Variants in ATL1 observed in about 807,000 individuals in gnomAD.
The protein encoded by ATL1 is atlastin GTPase 1, also known as atlastin-1.
ATL1 carries 31 observed loss-of-function variants against 75.5 expected under a neutral mutation model. The ratio of observed to expected loss-of-function variants is 0.41; its 90% CI spans 0.31 to 0.55. The LOEUF is 0.55. Among genes scored for constraint, ATL1 ranks in the 20% least tolerant of loss-of-function variants. The probability of loss-of-function intolerance (pLI) is 0.27; values close to 1 mark genes in which losing one functional copy is unlikely to be tolerated. For synonymous variants in ATL1, 226 were observed against 233.3 expected (o/e 0.97, Z 0.28); for missense variants, 405 against 662.6 (o/e 0.61, Z 4.27).
At chr14:50,548,941 T>C (rs1370208271) in intron 1 of ATL1, among the ~76,000 whole-genome samples, 4 of 152,138 alleles carry the variant, frequency 2.6e-5, no homozygotes, top group African/African-American at 9.7e-5. Context: ...AAAAACTGCC[T>C]ACCCCATAAA....
chr14:50,601,324 T>C (rs1260786605), intron 6 of ATL1, among the ~76,000 whole-genome samples: 1 of 152,064 alleles, frequency 6.6e-6, no homozygotes, highest in African/African-American at 2.4e-5. Flanking sequence ...AACAAAAATA[T>C]GTTCGTGTAT....
chr14:50,602,828 G>A (rs1185308653), intron 6 of ATL1, among the ~76,000 whole-genome samples: 1 of 152,094 alleles, frequency 6.6e-6, no homozygotes, highest in African/African-American at 2.4e-5. Flanking sequence ...TAGCCTTGAT[G>A]ATTGATGCAG....
intron 1 of ATL1, among the ~76,000 whole-genome samples, chr14:50,552,865 A>G (rs775961196): frequency 6.6e-6 from 1 of 152,362 alleles, no homozygotes; most frequent in Non-Finnish European, 1.5e-5. Flanking sequence ...TCAACTCAAG[A>G]TGGATCAAAG....
intron 6 of ATL1, among the ~76,000 whole-genome samples, chr14:50,602,809 G>A (rs1386008095): frequency 6.6e-6 from 1 of 152,128 alleles, no homozygotes; most frequent in Non-Finnish European, 1.5e-5. Flanking sequence ...TGGGGCTGCA[G>A]CATATCTGTA....
intron 6 of ATL1, among the ~76,000 whole-genome samples, chr14:50,607,364 C>G (rs2039325047): frequency 6.6e-6 from 1 of 152,032 alleles, no homozygotes; most frequent in African/African-American, 2.4e-5. Context: ...CAACTGATGA[C>G]CACATGTAGG....
chr14:50,597,417 A>G (rs1027482986), intron 6 of ATL1, among the ~76,000 whole-genome samples: 2 of 152,084 alleles, frequency 1.3e-5, no homozygotes, highest in Non-Finnish European at 1.5e-5. Context: ...GCAAAACTAA[A>G]CAATATGTTA....
intron 4 of ATL1, among the ~76,000 whole-genome samples, chr14:50,592,958 G>T (rs2039176978): frequency 2.2e-5 from 3 of 133,866 alleles, no homozygotes; most frequent in Admixed American, 2.1e-4. Flanking sequence ...GTGTGTGTGT[G>T]TGTGTGTAAA....
At chr14:50,601,782 G>T (rs547849059) in intron 6 of ATL1, among the ~76,000 whole-genome samples, 1 of 152,136 alleles carries the variant, frequency 6.6e-6, no homozygotes, top group Non-Finnish European at 1.5e-5. Flanking sequence ...AAATAACTAG[G>T]TTCTTTATAT....
intron 6 of ATL1, among the ~76,000 whole-genome samples, chr14:50,605,940 T>C (rs1367484521): frequency 6.6e-6 from 1 of 152,090 alleles, no homozygotes; most frequent in Non-Finnish European, 1.5e-5. Flanking sequence ...CCTTCTGATC[T>C]AGCAGTTTTA....
At chr14:50,604,267 A>G (rs2039296779) in intron 6 of ATL1, among the ~76,000 whole-genome samples, 1 of 152,066 alleles carries the variant, frequency 6.6e-6, no homozygotes, top group South Asian at 2.1e-4. Flanking sequence ...CTTAACTACC[A>G]TCTTTTAGGG....
intron 5 of ATL1, 30 bp from the exon 6 acceptor site, chr14:50,595,545 TG>T: frequency 6.2e-7 from 1 of 1,605,946 alleles, no homozygotes; most frequent in Non-Finnish European, 8.5e-7. Flanking sequence ...TCTCTCTCTG[TG>T]TATGTGTGTG....
intron 9 of ATL1, 35 bp downstream of exon 9, chr14:50,620,761 G>A (rs367640175): frequency 2.8e-5 from 45 of 1,609,730 alleles, no homozygotes; most frequent in Non-Finnish European, 3.7e-5. Flanking sequence ...TCGTGGGATA[G>A]ATTTGACATA....
At chr14:50,597,108 G>T (rs1461418323) in intron 6 of ATL1, among the ~76,000 whole-genome samples, 1 of 151,106 alleles carries the variant, frequency 6.6e-6, no homozygotes, top group Non-Finnish European at 1.5e-5. Context: ...TACTCCGGAG[G>T]CTGAGACAGG....
chr14:50,601,686 T>A (rs2039273348), intron 6 of ATL1, among the ~76,000 whole-genome samples: 1 of 152,232 alleles, frequency 6.6e-6, no homozygotes, highest in African/African-American at 2.4e-5. Context: ...ATTAGTTATT[T>A]TCTCACCTGT....
chr14:50,606,930 T>C (rs1371593851), intron 6 of ATL1, among the ~76,000 whole-genome samples: 5 of 152,090 alleles, frequency 3.3e-5, no homozygotes. Context: ...TTAGGTCTTA[T>C]TATTTATCAA....
Position 50,613,342 on chromosome 14 carries a change from A to C in ATL1, c.714A>C (p.Lys238Asn). 1 of 1,612,562 alleles carries C rather than the reference A, an allele frequency of 6.2e-7. No individual in the cohort carries two copies. Among genetic ancestry groups the C allele is most frequent in the East Asian group, 2.2e-5 (1 of 44,850 alleles). Residue 238 changes from lysine to asparagine, a missense_variant, in exon 7 of 14, where the codon AAA (lysine) becomes AAC (asparagine). Transcript: ENST00000358385. ...ATGGTGGTGCCAAATTCTTGGAAAA[A>C]CGCCTCAAGGTTTGTTAGATATTTA... ...GADGGAKFLE[K>N]RLKVSGNQHE...
At chr14:50,573,002 C>T (rs1161323687) in intron 1 of ATL1, among the ~76,000 whole-genome samples, 1 of 152,124 alleles carries the variant, frequency 6.6e-6, no homozygotes, top group African/African-American at 2.4e-5. Flanking sequence ...AAGCGCAGAG[C>T]TAATGGGGTA....
At chr14:50,596,483 G>A (rs1284430376) in intron 6 of ATL1, among the ~76,000 whole-genome samples, 1 of 152,144 alleles carries the variant, frequency 6.6e-6, no homozygotes, top group Non-Finnish European at 1.5e-5. Flanking sequence ...TAACAAGCTT[G>A]CTTTATGGTA....
intron 3 of ATL1, 61 bp from the exon 4 acceptor site, chr14:50,591,474 G>A (rs1245185561): frequency 9.1e-7 from 1 of 1,102,792 alleles, no homozygotes; most frequent in Non-Finnish European, 1.4e-6. Flanking sequence ...TTAATATTAT[G>A]GTAACCCTAA....
Sources: gnomAD v4.1 joint callset for allele counts (sites outside exome capture counted in the v4.1 genomes callset) on GRCh38, gnomAD v4.1.1 for gene constraint, MANE v1.5 for transcripts, NCBI Gene and HGNC (gene_info 2026-07-23, HGNC 2026-07-21) for gene names.